MORN5: variants seen among roughly 807,000 people sequenced by gnomAD.
The protein encoded by MORN5 is MORN repeat containing 5.
Under a neutral mutation model 22.1 loss-of-function variants are expected in MORN5, and 21 were observed. The observed-to-expected ratio is 0.95, with a 90% CI of 0.67 to 1.37. The LOEUF (loss-of-function observed/expected upper bound fraction) is 1.37. Among genes scored for constraint, MORN5 ranks in the 40% most tolerant of loss-of-function variants. MORN5 has a pLI of 0.00. For missense variants in MORN5, 211 were observed against 215.1 expected, an observed-to-expected ratio of 0.98 and a Z score of 0.12; for synonymous variants, 73 against 74.0, an observed-to-expected ratio of 0.99 and a Z score of 0.07.
chr9:122,164,678 G>A (rs1829250196), intron 1 of MORN5: 1 of 971,294 alleles, frequency 1.0e-6, no homozygotes, highest in Non-Finnish European at 1.2e-6. Flanking sequence ...TAACCTCAGA[G>A]AAGGGTGTAG....
rs1407329215 is a variant in MORN5 at position 122,197,658 on chromosome 9, C to T, written c.440-2227C>T. On this transcript the variant is annotated intron_variant, in intron 4 of 4. Transcript: ENST00000373764. This position sits in a 1 kb window ranked among gnomAD's most constrained non-coding sequence, Gnocchi z 5.7. ...TAAGTCCATTGCTGTCAATTTTTAA[C>T]GATCAGGGAGGGGCCTGAGGACTGG... Among the ~76,000 whole-genome samples the T allele has an allele frequency of 1.3e-5, 2 of 152,138 alleles. No homozygotes were observed. Among genetic ancestry groups the T allele is most frequent in the East Asian group, 1.9e-4 (1 of 5,188 alleles).
At chr9:122,180,104 A>G (rs1402008661) in intron 4 of MORN5, among the ~76,000 whole-genome samples, 1 of 152,170 alleles carries the variant, frequency 6.6e-6, no homozygotes, top group East Asian at 1.9e-4. Context: ...AAATTCTTTG[A>G]ACATCTACTG....
chr9:122,182,999 AG>A (rs1210100621), intron 4 of MORN5, among the ~76,000 whole-genome samples: 1 of 152,182 alleles, frequency 6.6e-6, no homozygotes, highest in Middle Eastern at 3.2e-3. Context: ...CTCTCTAGAT[AG>A]GGGCATGTCT....
chr9:122,185,107 G>C (rs1829596435), intron 4 of MORN5, among the ~76,000 whole-genome samples: 1 of 152,208 alleles, frequency 6.6e-6, no homozygotes, highest in South Asian at 2.1e-4. Flanking sequence ...TCAGGCTGGG[G>C]TGCAGTGGCA....
At chr9:122,167,054 C>A (rs531297639) in intron 2 of MORN5, 139 bp downstream of exon 2, 8 of 724,238 alleles carry the variant, frequency 1.1e-5, no homozygotes, top group East Asian at 3.1e-5. Flanking sequence ...CCACTCCCCC[C>A]ACTTTTTTTT....
chr9:122,199,050 G>GA (rs1486858756), intron 4 of MORN5, among the ~76,000 whole-genome samples: 2 of 152,152 alleles, frequency 1.3e-5, no homozygotes, highest in Non-Finnish European at 2.9e-5. Flanking sequence ...GAGAAAGGAG[G>GA]AAAAATGAAA....
At chr9:122,177,090 T>C (rs772065193) in intron 4 of MORN5, among the ~76,000 whole-genome samples, 30 of 152,232 alleles carry the variant, frequency 2.0e-4, no homozygotes, top group Non-Finnish European at 1.5e-4. Flanking sequence ...CCCAGATCCC[T>C]GAGCAGAGAC....
In MORN5 at chr9:122,164,277, A is replaced by G. The variant is rs1159424771; in HGVS notation, c.48-2491A>G. Among the ~76,000 whole-genome samples, 7 of 152,310 alleles carry G rather than the reference A, an allele frequency of 4.6e-5. No homozygotes were observed. In the South Asian group the frequency reaches 1.4e-3, roughly 32 times the overall value. ...GGAGGAGAAGGAGAGAAGGAGGGACAGAGAGGAGGGAAGCAGGAAAAGTGA... is the reference window on the plus strand; with the variant it reads ...GGAGGAGAAGGAGAGAAGGAGGGACGGAGAGGAGGGAAGCAGGAAAAGTGA... On this transcript the variant is annotated intron_variant, in intron 1 of 4. Transcript: ENST00000373764.
chr9:122,199,450 T>C (rs1430910317), intron 4 of MORN5, among the ~76,000 whole-genome samples: 1 of 152,180 alleles, frequency 6.6e-6, no homozygotes, highest in Admixed American at 6.5e-5. Context: ...CCATGGGTTC[T>C]TGAAAGGGTC....
intron 4 of MORN5, among the ~76,000 whole-genome samples, chr9:122,176,359 A>G (rs1466381947): frequency 6.6e-6 from 1 of 152,190 alleles, no homozygotes. Context: ...TTCTTGGTCA[A>G]ATAAAATAAG....
At chr9:122,160,476 T>C (rs937645241) in intron 1 of MORN5, among the ~76,000 whole-genome samples, 24 of 152,210 alleles carry the variant, frequency 1.6e-4, no homozygotes, top group African/African-American at 5.8e-4. Flanking sequence ...TATAGAGGAT[T>C]ATATACACAA....
At chr9:122,166,430 T>G (rs906302861) in intron 1 of MORN5, among the ~76,000 whole-genome samples, 2 of 152,076 alleles carry the variant, frequency 1.3e-5, no homozygotes. Context: ...CCAGAAAACC[T>G]GGGCTCTAGT....
rs532217909 is a variant in MORN5 at position 122,196,083 on chromosome 9, C to T, written c.440-3802C>T. Among the ~76,000 whole-genome samples, 58 of 151,938 alleles carry T rather than the reference C, an allele frequency of 3.8e-4. 1 individual carries two copies. The highest frequency in any genetic ancestry group is 1.1e-3 in the Admixed American group (17 of 15,242). On this transcript the variant is annotated intron_variant, in intron 4 of 4. Transcript: ENST00000373764. ...AGGTGATCGTCTCACATCAACCTCC[C>T]GAGTAGCTGGGACCACAGGTGCTTG... is the stretch of plus-strand genomic sequence containing the variant.
intron 4 of MORN5, among the ~76,000 whole-genome samples, chr9:122,196,574 A>T (rs1017733838): frequency 6.6e-6 from 1 of 151,012 alleles, no homozygotes; most frequent in Non-Finnish European, 1.5e-5. Context: ...CTCGTGATCC[A>T]CCCACCTCAG....
chr9:122,167,745 A>T (rs1023063140), intron 2 of MORN5, among the ~76,000 whole-genome samples: 1 of 152,186 alleles, frequency 6.6e-6, no homozygotes, highest in Non-Finnish European at 1.5e-5. Context: ...TTTAGTCTGA[A>T]ATCAGCACAA....
At chr9:122,182,972 C>T (rs932204090) in intron 4 of MORN5, among the ~76,000 whole-genome samples, 7 of 152,148 alleles carry the variant, frequency 4.6e-5, no homozygotes, top group Non-Finnish European at 1.5e-5. Flanking sequence ...CTGGTTTATT[C>T]TGTATTCCTC....
intron 4 of MORN5, among the ~76,000 whole-genome samples, chr9:122,187,382 G>C (rs1221973693): frequency 6.6e-6 from 1 of 152,162 alleles, no homozygotes; most frequent in Non-Finnish European, 1.5e-5. Flanking sequence ...TGTTACGGAC[G>C]TGTCCCCATC....
chr9:122,174,421 A>G, intron 3 of MORN5, 75 bp from the exon 4 acceptor site: 1 of 1,553,552 alleles, frequency 6.4e-7, no homozygotes, highest in Non-Finnish European at 8.8e-7. Flanking sequence ...CACCAGCCAC[A>G]AGTGGACCTT....
At chr9:122,175,338 TTAGCCAGGGGAGTAGG>T in intron 4 of MORN5, 1 of 437,720 alleles carries the variant, frequency 2.3e-6, no homozygotes, top group African/African-American at 2.1e-5. Flanking sequence ...GGTTCATCCT[TTAGCCAGGGGAGTAGG>T]TACCTTGGAG....
Sources: gnomAD v4.1 joint callset for allele counts (sites outside exome capture counted in the v4.1 genomes callset) on GRCh38, gnomAD v4.1.1 for gene constraint, Gnocchi (gnomAD v3.1) non-coding constraint, MANE v1.5 for transcripts, NCBI Gene and HGNC (gene_info 2026-07-23, HGNC 2026-07-21) for gene names.